The following EXTL3 variants were observed in gnomAD, a reference collection of about 807,000 sequenced individuals.
EXTL3 encodes exostosin like glycosyltransferase 3.
In EXTL3, 27 loss-of-function variants were observed where a neutral mutation model predicts 69.3. The observed-to-expected ratio is 0.39, with a 90% confidence interval of 0.29 to 0.54. EXTL3 has a LOEUF of 0.54. EXTL3 is among the 20% of genes least tolerant of loss of function. EXTL3 has a pLI of 0.69. For synonymous variants in EXTL3, 511 were observed against 499.4 expected (o/e 1.02, Z -0.31); for missense variants, 1,003 against 1,231.8 (o/e 0.81, Z 2.78).
Position 28,754,219 on chromosome 8 carries a change from C to T in EXTL3, c.*3353C>T, listed in dbSNP as rs1167826571. On this transcript the variant is annotated 3_prime_UTR_variant, in exon 7 of 7. Transcript: ENST00000220562. ...ACGCTCCCTGACTGCAGAGCCCCAT[C>T]CTGTTGGTGCCCACAGGCCTAGATC... 2 of 152,334 alleles carry T rather than the reference C, an allele frequency of 1.3e-5. No individual in the cohort carries two copies. Among genetic ancestry groups the T allele is most frequent in the African/African-American group, 4.8e-5 (2 of 41,440 alleles). 9.4% of individuals were successfully genotyped at this position (152,334 alleles called of 1,614,324 possible).
At chr8:28,652,927 A>G (rs1248274705) in intron 1 of EXTL3, among the ~76,000 whole-genome samples, 1 of 152,118 alleles carries the variant, frequency 6.6e-6, no homozygotes, top group Admixed American at 6.6e-5. Context: ...ATTCCCATAT[A>G]CCTCTCACCT....
chr8:28,726,196 C>T (rs141172602), intron 3 of EXTL3, among the ~76,000 whole-genome samples: 2,463 of 152,172 alleles, frequency 0.016, 59 homozygotes, highest in African/African-American at 0.047. Flanking sequence ...CCTTGTGATC[C>T]GCCCGCCTCG....
At chr8:28,619,311 A>AAAAAAAAAAAAAC (rs1478312916), upstream of EXTL3, among the ~76,000 whole-genome samples, 14 of 121,496 alleles carry the variant, frequency 1.2e-4, no homozygotes, top group Non-Finnish European at 1.5e-4. Flanking sequence ...AAAAAAAAAA[A>AAAAAAAAAAAAAC]AAAACCCTGT....
chr8:28,699,449 A>C (rs1188705120), upstream of EXTL3: 2 of 152,918 alleles, frequency 1.3e-5, no homozygotes, highest in African/African-American at 4.8e-5. Flanking sequence ...ACAAGATCAA[A>C]GCGGAGGGGG....
chr8:28,682,746 C>T (rs1057466506), intron 1 of EXTL3, among the ~76,000 whole-genome samples: 12 of 152,198 alleles, frequency 7.9e-5, no homozygotes, highest in East Asian at 3.9e-4. Flanking sequence ...ACCCAGGCTG[C>T]GGCAGCTTTT....
rs145382567 is a variant in EXTL3 at position 28,717,588 on chromosome 8, G to A, written c.1529G>A (p.Arg510Gln). 4 of 1,614,094 alleles carry A rather than the reference G, an allele frequency of 2.5e-6. No individual in the cohort carries two copies. Among genetic ancestry groups the A allele is most frequent in the East Asian group, 2.2e-5 (1 of 44,892 alleles). Residue 510 changes from arginine (R) to glutamine (Q), a missense_variant, in exon 3 of 7, where the codon CGG becomes CAG. Transcript: ENST00000220562. This position sits in a 1 kb window ranked among gnomAD's most constrained non-coding sequence, Gnocchi z 8.3. ...GATAGTGACCTCCTGGCTATGAGGC[G>A]GCAAGGCCGCTTTCTCTGGGAGACT... ...LSDSDLLAMR[R>Q]QGRFLWETYF...
intron 1 of EXTL3, among the ~76,000 whole-genome samples, chr8:28,659,319 A>G (rs1203890917): frequency 6.6e-6 from 1 of 151,186 alleles, no homozygotes; most frequent in Middle Eastern, 3.2e-3. Context: ...CAAGTGTTTT[A>G]TTGCTTTTGA....
At chr8:28,702,934 G>A (rs950123478) in intron 1 of EXTL3, among the ~76,000 whole-genome samples, 1 of 152,202 alleles carries the variant, frequency 6.6e-6, no homozygotes, top group African/African-American at 2.4e-5. Flanking sequence ...TGACCTGTGT[G>A]CTGGGATAGT....
chr8:28,638,933 G>C (rs1288456113), intron 1 of EXTL3, among the ~76,000 whole-genome samples: 1 of 147,782 alleles, frequency 6.8e-6, no homozygotes, highest in Non-Finnish European at 1.5e-5. Context: ...GCCTGGCTAG[G>C]AATAATTTTT....
intron 1 of EXTL3, among the ~76,000 whole-genome samples, chr8:28,675,623 A>G (rs1304589165): frequency 1.3e-5 from 2 of 152,166 alleles, no homozygotes; most frequent in African/African-American, 4.8e-5. Context: ...CTGACACTTC[A>G]CCCAGTAGGT....
At chr8:28,648,008 A>T (rs1014081097) in intron 1 of EXTL3, among the ~76,000 whole-genome samples, 2 of 151,896 alleles carry the variant, frequency 1.3e-5, no homozygotes, top group Non-Finnish European at 2.9e-5. Context: ...GATGCTGGTC[A>T]TGCTACCTGG....
chr8:28,735,842 A>T (rs747331084), intron 4 of EXTL3, among the ~76,000 whole-genome samples: 1 of 152,248 alleles, frequency 6.6e-6, no homozygotes, highest in Admixed American at 6.5e-5. Context: ...GCATGTGTCC[A>T]TACAGAAAGG....
chr8:28,658,607 A>T (rs1455511529), intron 1 of EXTL3, among the ~76,000 whole-genome samples: 1 of 150,890 alleles, frequency 6.6e-6, no homozygotes, highest in East Asian at 2.0e-4. Flanking sequence ...TCTTTTTTTG[A>T]GCTCGCTCTG....
Position 28,717,676 on chromosome 8 carries a change from G to C in EXTL3, c.1617G>C (p.Gln539His). 1.9e-6 allele frequency: 3 copies of C among 1,614,226 alleles called. No homozygotes were observed. The highest frequency in any genetic ancestry group is 2.5e-6 in the Non-Finnish European group (3 of 1,180,044). The stretch of plus-strand genomic sequence containing the variant: ...TGGCTATGATTAGGACTCGCATCCA[G>C]ATCCCAGCCGCTCCCATCCGGGAAG... ...TVLAMIRTRI[Q>H]IPAAPIREEA... The change falls in exon 3 of 7, where the codon CAG (glutamine) becomes CAC (histidine). Residue 539 changes from glutamine (Q) to histidine (H), a missense_variant. Gln to His is a conservative substitution (Grantham distance 24). Transcript: ENST00000220562. This position sits in a 1 kb window ranked among gnomAD's most constrained non-coding sequence, Gnocchi z 8.3.
chr8:28,738,705 G>C (rs1199179834), intron 5 of EXTL3, among the ~76,000 whole-genome samples: 1 of 152,194 alleles, frequency 6.6e-6, no homozygotes, highest in Non-Finnish European at 1.5e-5. Context: ...TGTAGACTTT[G>C]AGGCACTCAT....
Position 28,750,997 on chromosome 8 carries a change from G to C in EXTL3, c.*131G>C. On this transcript the variant is annotated 3_prime_UTR_variant, in exon 7 of 7. Coordinates refer to ENST00000220562, the MANE Select transcript of EXTL3 (RefSeq NM_001440.4). The surrounding 1 kb of genome is among the most constrained non-coding windows in gnomAD (Gnocchi z 5.2). ...GAGCCTCTGCTGGAAGGGGCAGCAG[G>C]AGGAGTGGAAGGAAACCGCTGCCTT... is the stretch of plus-strand genomic sequence containing the variant. 1 of 769,284 alleles carries C rather than the reference G, an allele frequency of 1.3e-6. No individual in the cohort carries two copies. The highest frequency in any genetic ancestry group is 2.1e-6 in the Non-Finnish European group (1 of 465,582). The allele number at this position is 769,284 out of a possible 1,614,324, so 47.7% of individuals were successfully genotyped here.
intron 2 of EXTL3, among the ~76,000 whole-genome samples, chr8:28,614,272 CTTTT>C (rs35659799): frequency 2.9e-5 from 3 of 104,902 alleles, no homozygotes; most frequent in African/African-American, 1.2e-4. Context: ...GGGTTTTTTG[CTTTT>C]TTTTTTTTTT....
At chr8:28,744,012 G>C (rs1046140955) in intron 6 of EXTL3, 1 of 152,296 alleles carries the variant, frequency 6.6e-6, no homozygotes, top group African/African-American at 2.4e-5. Context: ...CATACACTCA[G>C]TGCACAGAAA....
intron 1 of EXTL3, among the ~76,000 whole-genome samples, chr8:28,674,223 G>C (rs969941903): frequency 6.6e-6 from 1 of 152,066 alleles, no homozygotes; most frequent in African/African-American, 2.4e-5. Context: ...GGGACTACAG[G>C]TATGTGCCAC....
Sources: allele counts gnomAD v4.1 joint callset (sites outside exome capture counted in the v4.1 genomes callset), GRCh38; gene constraint gnomAD v4.1.1; non-coding constraint Gnocchi (gnomAD v3.1); transcripts MANE v1.5; gene names NCBI Gene and HGNC (gene_info 2026-07-23, HGNC 2026-07-21).